Variants in PRKCQ observed in about 807,000 individuals in gnomAD.
PRKCQ encodes protein kinase C theta type.
In PRKCQ, 41 loss-of-function variants were observed where a neutral mutation model predicts 91.2. That is an observed-to-expected ratio of 0.45 (90% CI 0.35 to 0.58). PRKCQ has a LOEUF of 0.58. PRKCQ is among the 20% of genes least tolerant of loss of function. PRKCQ has a pLI of 0.00. For synonymous variants in PRKCQ, 307 were observed against 316.9 expected, an observed-to-expected ratio of 0.97 and a Z score of 0.33; for missense variants, 673 against 896.5, an observed-to-expected ratio of 0.75 and a Z score of 3.18.
intron 12 of PRKCQ, among the ~76,000 whole-genome samples, chr10:6,476,418 T>C (rs541483162): frequency 4.6e-5 from 7 of 152,042 alleles, no homozygotes; most frequent in Non-Finnish European, 8.8e-5. Flanking sequence ...CACAGAAAGA[T>C]ATAATAAAAA....
intron 10 of PRKCQ, 72 bp from the exon 11 acceptor site, chr10:6,483,672 G>T: frequency 6.5e-7 from 1 of 1,541,206 alleles, no homozygotes; most frequent in South Asian, 1.2e-5. Flanking sequence ...GAGAGCACAT[G>T]CTTTCTCTTC....
intron 12 of PRKCQ, among the ~76,000 whole-genome samples, chr10:6,477,175 C>T (rs1229411308): frequency 6.6e-6 from 1 of 152,198 alleles, no homozygotes; most frequent in Non-Finnish European, 1.5e-5. Flanking sequence ...TTTCTAGTTT[C>T]TCTCAGCTCT....
chr10:6,460,656 T>C (rs899697219), intron 14 of PRKCQ, among the ~76,000 whole-genome samples: 1 of 152,184 alleles, frequency 6.6e-6, no homozygotes, highest in Non-Finnish European at 1.5e-5. Context: ...TACACCCAGC[T>C]AATTTTTGTA....
chr10:6,502,361 G>T (rs576485772), intron 4 of PRKCQ, among the ~76,000 whole-genome samples: 1 of 152,314 alleles, frequency 6.6e-6, no homozygotes, highest in African/African-American at 2.4e-5. Flanking sequence ...GGTATGGTGG[G>T]GAAAAGCCAA....
chr10:6,533,290 C>T (rs963722339), intron 1 of PRKCQ, among the ~76,000 whole-genome samples: 4 of 152,160 alleles, frequency 2.6e-5, no homozygotes, highest in Non-Finnish European at 4.4e-5. Context: ...CACCATCTCC[C>T]GAGTTCAAGC....
chr10:6,512,670 T>C (rs1296366214), intron 2 of PRKCQ, among the ~76,000 whole-genome samples: 1 of 152,222 alleles, frequency 6.6e-6, no homozygotes, highest in Non-Finnish European at 1.5e-5. Context: ...AATAAAGCCC[T>C]TCTAACTTTC....
At chr10:6,445,832 G>A (rs1236098495) in intron 15 of PRKCQ, among the ~76,000 whole-genome samples, 1 of 152,232 alleles carries the variant, frequency 6.6e-6, no homozygotes, top group African/African-American at 2.4e-5. Flanking sequence ...TCAATTTGCT[G>A]GGCCAGGGAC....
chr10:6,506,183 T>C (rs575216884), intron 4 of PRKCQ, among the ~76,000 whole-genome samples: 3 of 152,218 alleles, frequency 2.0e-5, no homozygotes, highest in Admixed American at 6.5e-5. Context: ...AATTTCAGAG[T>C]ACATTTTTCC....
At chr10:6,475,594 TA>T (rs1474546681) in intron 12 of PRKCQ, among the ~76,000 whole-genome samples, 3 of 152,238 alleles carry the variant, frequency 2.0e-5, no homozygotes, top group Non-Finnish European at 4.4e-5. Context: ...TAACTTCCTT[TA>T]AAAAATAACA....
rs118144943 is a variant in PRKCQ, at chr10:6,514,992, C to A, written c.118+26G>T. ...TAGCAGGATTCTCCTCCTCCTCCCC[C>A]GCTTTGAAAATCCCCTCAAGCTTAC... On this transcript the variant is annotated intron_variant, in intron 2 of 17. Coordinates refer to ENST00000263125, the MANE Select transcript of PRKCQ (RefSeq NM_006257.5). The A allele has an allele frequency of 6.3e-5, 102 of 1,612,194 alleles. No homozygotes were observed. The African/African-American group carries it at 1.1e-3, about 17-fold the overall frequency.
intron 1 of PRKCQ, among the ~76,000 whole-genome samples, chr10:6,551,263 T>C (rs1402982799): frequency 2.6e-5 from 4 of 152,206 alleles, no homozygotes; most frequent in Non-Finnish European, 5.9e-5. Context: ...CATTTGGTTT[T>C]CTGTTTCTGT....
At chr10:6,498,269 C>A in intron 5 of PRKCQ, 127 bp downstream of exon 5, 1 of 1,254,288 alleles carries the variant, frequency 8.0e-7, no homozygotes. Context: ...GGCAAGGTCC[C>A]TGACAACGCT....
chr10:6,576,522 G>A lies in PRKCQ; in HGVS notation c.-10+3689C>T, dbSNP rs1251979209. Among the ~76,000 whole-genome samples, 1 of 152,178 alleles carries A rather than the reference G, an allele frequency of 6.6e-6. No homozygotes were observed. The highest frequency in any genetic ancestry group is 1.9e-4 in the East Asian group (1 of 5,196). ...GAATCTTAGAGACAGGAAGTAGAAGGGTGGCTGCCAGGGGCTGAGAGGAAA... is the reference window on the plus strand; with the variant it reads ...GAATCTTAGAGACAGGAAGTAGAAGAGTGGCTGCCAGGGGCTGAGAGGAAA... On this transcript the variant is annotated intron_variant, in intron 1 of 17. Transcript: ENST00000263125. The surrounding 1 kb of genome is among the most constrained non-coding windows in gnomAD (Gnocchi z 4.2).
At chr10:6,467,159 C>A (rs763403782) in intron 12 of PRKCQ, among the ~76,000 whole-genome samples, 2 of 152,084 alleles carry the variant, frequency 1.3e-5, no homozygotes, top group African/African-American at 2.4e-5. Flanking sequence ...CAAAAACCAG[C>A]AAATACTTCC....
Position 6,491,820 on chromosome 10 carries a change from A to G in PRKCQ, c.661-8T>C. 1 of 1,614,140 alleles carries G rather than the reference A, an allele frequency of 6.2e-7. No homozygotes were observed. Among genetic ancestry groups the G allele is most frequent in the African/African-American group, 1.3e-5 (1 of 75,026 alleles). ...GAATCTCTCCTTGTGGAACTGAAAG[A>G]AAGGCAGAAGGTGAAATCTGTGTAT... On this transcript the variant is annotated splice_polypyrimidine_tract_variant and splice_region_variant and intron_variant, in intron 7 of 17. Transcript: ENST00000263125.
chr10:6,562,038 CA>C (rs1457564032), intron 1 of PRKCQ, among the ~76,000 whole-genome samples: 2 of 152,050 alleles, frequency 1.3e-5, no homozygotes, highest in East Asian at 3.9e-4. Flanking sequence ...ACAACATTGT[CA>C]GTTCAAAATA....
intron 11 of PRKCQ, among the ~76,000 whole-genome samples, chr10:6,483,084 G>C (rs1377769112): frequency 6.6e-6 from 1 of 152,208 alleles, no homozygotes; most frequent in Non-Finnish European, 1.5e-5. Flanking sequence ...CTCCAGGCTT[G>C]AGAATGAAGC....
At position 6,448,210 on chromosome 10, in the gene PRKCQ, C is replaced by T. The variant is rs543791210; in HGVS notation, c.1648-6129G>A. On this transcript the variant is annotated intron_variant, in intron 15 of 17. Transcript: ENST00000263125. Reference sequence around the variant, plus strand: ...TGCTCCAGCCTGTGAGTGGATAAGCCATGGTCCCTGATGGGGAGAAGCTCA... The same window carrying T: ...TGCTCCAGCCTGTGAGTGGATAAGCTATGGTCCCTGATGGGGAGAAGCTCA... 1.2e-4 allele frequency among the ~76,000 whole-genome samples: 18 copies of T among 152,234 alleles called. No homozygotes were observed. The South Asian group carries it at 3.7e-3, about 32-fold the overall frequency.
At chr10:6,457,484 C>T (rs1260519265) in intron 14 of PRKCQ, among the ~76,000 whole-genome samples, 1 of 152,200 alleles carries the variant, frequency 6.6e-6, no homozygotes, top group African/African-American at 2.4e-5. Flanking sequence ...TTTCTCTTCT[C>T]TCACCAAGAT....
Sources: allele counts gnomAD v4.1 joint callset (sites outside exome capture counted in the v4.1 genomes callset), GRCh38; gene constraint gnomAD v4.1.1; non-coding constraint Gnocchi (gnomAD v3.1); transcripts MANE v1.5; gene names NCBI Gene and HGNC (gene_info 2026-07-23, HGNC 2026-07-21).